NRXN1: variants seen among roughly 807,000 people sequenced by gnomAD.
NRXN1 encodes the protein neurexin 1.
Under a neutral mutation model 150.9 loss-of-function variants are expected in NRXN1, and 39 were observed. The ratio of observed to expected loss-of-function variants is 0.26; its 90% CI spans 0.20 to 0.34. The LOEUF (loss-of-function observed/expected upper bound fraction) is 0.34, where lower values mean the gene tolerates loss of function less well. Ranked by LOEUF, NRXN1 falls within the 10% of genes least tolerant of loss-of-function variation. The pLI is 1.00. For synonymous variants in NRXN1, 924 were observed against 757.0 expected, an observed-to-expected ratio of 1.22 and a Z score of -3.62; for missense variants, 1,815 against 1,949.9, an observed-to-expected ratio of 0.93 and a Z score of 1.30.
At chr2:51,021,336 A>C (rs905967142) in intron 2 of NRXN1, among the ~76,000 whole-genome samples, 4 of 151,942 alleles carry the variant, frequency 2.6e-5, no homozygotes, top group Non-Finnish European at 5.9e-5. Flanking sequence ...TTCTGCAACC[A>C]GTGTAGCTGA....
chr2:50,241,351 G>T (rs1162080711), intron 17 of NRXN1, among the ~76,000 whole-genome samples: 1 of 151,686 alleles, frequency 6.6e-6, no homozygotes, highest in Non-Finnish European at 1.5e-5. Context: ...ATATGCAGTG[G>T]CAGTACATCT....
chr2:50,829,999 GAAAAAAAAAAAAAAA>G (rs572758147), intron 5 of NRXN1, among the ~76,000 whole-genome samples: 7 of 58,206 alleles, frequency 1.2e-4, no homozygotes, highest in African/African-American at 7.4e-4. Context: ...CTGCCTGCTG[GAAAAAAAAAAAAAAA>G]AAAAAAAAAA....
intron 12 of NRXN1, among the ~76,000 whole-genome samples, chr2:50,528,283 A>G (rs1021430845): frequency 6.6e-6 from 1 of 152,150 alleles, no homozygotes; most frequent in African/African-American, 2.4e-5. Flanking sequence ...ACAAAAGAAA[A>G]TAAGACCCAC....
At chr2:50,562,256 G>C (rs527284949) in intron 8 of NRXN1, among the ~76,000 whole-genome samples, 1 of 151,850 alleles carries the variant, frequency 6.6e-6, no homozygotes, top group Admixed American at 6.6e-5. Flanking sequence ...ATTAGTATAA[G>C]TATATAATAT....
At chr2:50,111,129 G>A (rs989323959) in intron 18 of NRXN1, among the ~76,000 whole-genome samples, 13 of 152,084 alleles carry the variant, frequency 8.5e-5, no homozygotes, top group South Asian at 6.2e-4. Context: ...GGCAACTAGC[G>A]AAAGAAATGA....
intron 5 of NRXN1, among the ~76,000 whole-genome samples, chr2:50,739,885 G>T (rs1449070398): frequency 2.6e-5 from 4 of 152,016 alleles, no homozygotes; most frequent in Admixed American, 6.6e-5. Context: ...AAACATAATA[G>T]AATTTGGTTA....
chr2:50,674,492 AAG>A (rs1689289066), intron 5 of NRXN1, among the ~76,000 whole-genome samples: 1 of 152,128 alleles, frequency 6.6e-6, no homozygotes, highest in Admixed American at 6.5e-5. Flanking sequence ...ATCTCATTGG[AAG>A]CTTACAGTAT....
At chr2:50,529,095 T>C (rs747511234) in intron 11 of NRXN1, among the ~76,000 whole-genome samples, 34 of 152,214 alleles carry the variant, frequency 2.2e-4, no homozygotes, top group Non-Finnish European at 4.0e-4. Flanking sequence ...AACAGAATCC[T>C]TCAGAATTGC....
rs557055195 is a variant in NRXN1 at position 50,182,723 on chromosome 2, T to TA, written c.3546+54065dup. ...ATGAATATTATACAGGGAGATACAA[T>TA]AAAAATCTATGTCTTTATAATAGAG... On this transcript the variant is annotated intron_variant, in intron 18 of 22. Transcript: ENST00000401669. Among the ~76,000 whole-genome samples, 12 of 152,144 alleles carry TA rather than the reference T, an allele frequency of 7.9e-5. No individual in the cohort carries two copies. The East Asian group carries it at 2.3e-3, about 29-fold the overall frequency.
chr2:50,472,323 G>T lies in NRXN1; in HGVS notation c.3219C>A (p.Asn1073Lys), dbSNP rs563089155. The T allele has an allele frequency of 2.5e-6, 4 of 1,609,906 alleles. No individual in the cohort carries two copies. Among genetic ancestry groups the T allele is most frequent in the Non-Finnish European group, 3.4e-6 (4 of 1,177,766 alleles). ...PDLISDALFC[N>K]GQIERGCEGP... Reference sequence around the variant, plus strand: ...CTTCACATCCTCTCTCGATCTGTCCGTTGCAGAAAAGAGCATCGGAGATGA... The same window carrying T: ...CTTCACATCCTCTCTCGATCTGTCCTTTGCAGAAAAGAGCATCGGAGATGA... Residue 1073 changes from asparagine to lysine, a missense_variant, in exon 16 of 23, where the codon AAC becomes AAA. By Grantham distance (94) the Asn-to-Lys change is moderately conservative. This residue lies in a region of NRXN1 where 339 missense variants were observed against 440.3 expected (regional missense o/e 0.77). Coordinates refer to ENST00000401669, the MANE Select transcript of NRXN1 (RefSeq NM_001330078.2).
intron 5 of NRXN1, among the ~76,000 whole-genome samples, chr2:50,839,789 T>C (rs532383381): frequency 2.0e-5 from 3 of 152,236 alleles, no homozygotes; most frequent in Non-Finnish European, 4.4e-5. Flanking sequence ...AATAAGATAA[T>C]TAAATTAGAC....
chr2:50,856,361 A>C (rs1204799697), intron 5 of NRXN1, among the ~76,000 whole-genome samples: 1 of 152,054 alleles, frequency 6.6e-6, no homozygotes, highest in Non-Finnish European at 1.5e-5. Context: ...AGAAAGTCTA[A>C]GGAGACTGCT....
At chr2:50,223,731 T>C (rs894061538) in intron 18 of NRXN1, among the ~76,000 whole-genome samples, 3 of 151,900 alleles carry the variant, frequency 2.0e-5, no homozygotes, top group Non-Finnish European at 4.4e-5. Flanking sequence ...ACAAATTCCC[T>C]TTCTCTGACC....
At chr2:50,293,734 A>T (rs1381494938) in intron 17 of NRXN1, among the ~76,000 whole-genome samples, 1 of 152,276 alleles carries the variant, frequency 6.6e-6, no homozygotes, top group Non-Finnish European at 1.5e-5. Flanking sequence ...GTCAAGACAG[A>T]AAGGTGAGCC....
intron 17 of NRXN1, among the ~76,000 whole-genome samples, chr2:50,433,154 T>A (rs2160444): frequency 0.52 from 78,917 of 152,102 alleles, 22,994 homozygotes; most frequent in East Asian, 0.92. Flanking sequence ...TGGAAAGATG[T>A]AAAGCTCCTT....
rs545762651 is a variant in NRXN1 at position 50,674,100 on chromosome 2, A to G, written c.833-50485T>C. On this transcript the variant is annotated intron_variant, in intron 5 of 22. Coordinates refer to ENST00000401669, the MANE Select transcript of NRXN1 (RefSeq NM_001330078.2). ...TACCCCAGAACTTAAAGTATAATAA[A>G]AAAAAGGAAAGTAACTCATTAAAAT... Among the ~76,000 whole-genome samples, 5 of 152,096 alleles carry G rather than the reference A, an allele frequency of 3.3e-5. No individual in the cohort carries two copies. The East Asian group carries it at 9.7e-4, about 29-fold the overall frequency.
At chr2:50,264,548 A>C (rs2068641672) in intron 17 of NRXN1, among the ~76,000 whole-genome samples, 1 of 152,012 alleles carries the variant, frequency 6.6e-6, no homozygotes, top group Non-Finnish European at 1.5e-5. Context: ...TATATATCAT[A>C]TATATGTTAA....
intron 5 of NRXN1, among the ~76,000 whole-genome samples, chr2:50,782,360 C>T (rs531741495): frequency 3.9e-4 from 59 of 152,056 alleles, no homozygotes; most frequent in Non-Finnish European, 7.6e-4. Context: ...GTCCCAGCTA[C>T]TCGGGAGGCT....
chr2:50,198,722 T>C (rs1378864866), intron 18 of NRXN1, among the ~76,000 whole-genome samples: 2 of 152,154 alleles, frequency 1.3e-5, no homozygotes, highest in Non-Finnish European at 2.9e-5. Context: ...AACCCCATTC[T>C]AGATTATCCC....
Sources: allele counts gnomAD v4.1 joint callset (sites outside exome capture counted in the v4.1 genomes callset), GRCh38; gene constraint gnomAD v4.1.1; regional missense constraint gnomAD v4.1.1; transcripts MANE v1.5; gene names NCBI Gene and HGNC (gene_info 2026-07-23, HGNC 2026-07-21).